The following ZNF195 variants were observed in gnomAD, a reference collection of about 807,000 sequenced individuals.
ZNF195 encodes the protein zinc finger protein 195.
ZNF195 carries 11 observed loss-of-function variants against 19.5 expected under a neutral mutation model. That is an observed-to-expected ratio of 0.57 (90% CI 0.36 to 0.94). ZNF195 has a LOEUF of 0.94. ZNF195 is among the 40% of genes least tolerant of loss of function. The probability of loss-of-function intolerance (pLI) is 0.01; values close to 1 mark genes in which losing one functional copy is unlikely to be tolerated. For missense variants in ZNF195, 582 were observed against 709.0 expected (o/e 0.82, Z 2.03); for synonymous variants, 214 against 248.1 (o/e 0.86, Z 1.29).
chr11:3,358,869 A>G lies in ZNF195; in HGVS notation c.*249T>C. ...GAACAAATGTTATTCCACATTTATG[A>G]GATTTGTTGGGTTTCTCTACAAATT... On this transcript the variant is annotated 3_prime_UTR_variant, in exon 6 of 6. Coordinates refer to ENST00000399602, the MANE Select transcript of ZNF195 (RefSeq NM_001130520.3). 3.7e-6 allele frequency: 1 copy of G among 270,984 alleles called. No individual in the cohort carries two copies. The highest frequency in any genetic ancestry group is 6.0e-6 in the Non-Finnish European group (1 of 165,696). The allele number at this position is 270,984 out of a possible 1,614,324, so 16.8% of individuals were successfully genotyped here. A position where few individuals can be genotyped will look rare whatever the true frequency, so the allele number is the denominator to read the frequency against.
In ZNF195 at chr11:3,371,638, G is replaced by A. The variant is rs370038920; in HGVS notation, c.69C>T (p.Leu23=). 9 of 1,614,028 alleles carry A rather than the reference G, an allele frequency of 5.6e-6. No homozygotes were observed. The highest frequency in any genetic ancestry group is 2.2e-5 in the East Asian group (1 of 44,878). The part of the protein sequence containing the change: ...FSLEEWKCLD[L]AQQNLYRDVM... The stretch of plus-strand genomic sequence containing the variant: ...CATCCCTGTACAAATTCTGCTGAGC[G>A]AGGTCCAGGCATTTCCACTCCTCCA... The change falls in exon 2 of 6, where the codon CTC becomes CTT. Residue 23 remains leucine (L), a synonymous_variant. Coordinates refer to ENST00000399602, the MANE Select transcript of ZNF195 (RefSeq NM_001130520.3).
In ZNF195 at chr11:3,360,272, A is replaced by G; in HGVS notation, c.736T>C (p.Cys246Arg). Residue 246 changes from cysteine (C) to arginine (R), a missense_variant, in exon 6 of 6, where the codon TGT becomes CGT. By Grantham distance (180) the Cys-to-Arg change is radical. Around this residue, in one of 3 missense-constraint regions of ZNF195, gnomAD observed 407 missense variants for 530.5 expected, o/e 0.77. Coordinates refer to ENST00000399602, the MANE Select transcript of ZNF195 (RefSeq NM_001130520.3). Reference sequence around the variant, plus strand: ...TGAAAGGATTTGCCACATTCTTGACATTTGAAAGGTTTCTCTCCAGTATTA... The same window carrying G: ...TGAAAGGATTTGCCACATTCTTGACGTTTGAAAGGTTTCTCTCCAGTATTA... ...ISNTGEKPFK[C>R]QECGKSFQML... 6.2e-7 allele frequency: 1 copy of G among 1,613,304 alleles called. No individual in the cohort carries two copies. The highest frequency in any genetic ancestry group is 8.5e-7 in the Non-Finnish European group (1 of 1,179,326).
Position 3,358,603 on chromosome 11 carries a change from T to C in ZNF195, c.*515A>G, listed in dbSNP as rs926088676. ...ACATCAATATTCGCTTTTCAAAAAT[T>C]TAACATTTTTTCAATGCAAAAAAGT... is the stretch of plus-strand genomic sequence containing the variant. On this transcript the variant is annotated 3_prime_UTR_variant, in exon 6 of 6. Coordinates refer to ENST00000399602, the MANE Select transcript of ZNF195 (RefSeq NM_001130520.3). 7 of 152,230 alleles carry C rather than the reference T, an allele frequency of 4.6e-5. No homozygotes were observed. Among genetic ancestry groups the C allele is most frequent in the African/African-American group, 1.7e-4 (7 of 41,456 alleles). The allele number at this position is 152,230 out of a possible 1,614,324, so 9.4% of individuals were successfully genotyped here.
chr11:3,361,094 C>G (rs1247150166), intron 4 of ZNF195, among the ~76,000 whole-genome samples: 1 of 152,128 alleles, frequency 6.6e-6, no homozygotes, highest in Non-Finnish European at 1.5e-5. Context: ...AGCAGCAGCA[C>G]CAGGCGACAA....
chr11:3,368,031 G>A (rs914757322), intron 3 of ZNF195, among the ~76,000 whole-genome samples: 3 of 151,930 alleles, frequency 2.0e-5, no homozygotes, highest in East Asian at 1.9e-4. Flanking sequence ...TGCCGAGATC[G>A]CGCCATTGCA....
chr11:3,366,863 G>T (rs1200150101), intron 3 of ZNF195: 1 of 441,020 alleles, frequency 2.3e-6, no homozygotes, highest in Admixed American at 2.4e-5. Flanking sequence ...CCAGGAGTCC[G>T]AGACCAGCCT....
Position 3,358,626 on chromosome 11 carries a change from A to T in ZNF195, c.*492T>A, listed in dbSNP as rs1241019401. The stretch of plus-strand genomic sequence containing the variant: ...ATTTAACATTTTTTCAATGCAAAAA[A>T]GTATATTTTGAATGTAATTATAACT... On this transcript the variant is annotated 3_prime_UTR_variant, in exon 6 of 6. Transcript: ENST00000399602. 6.6e-6 allele frequency: 1 copy of T among 152,288 alleles called. No homozygotes were observed. The highest frequency in any genetic ancestry group is 1.9e-4 in the East Asian group (1 of 5,204). 9.4% of individuals were successfully genotyped at this position (152,288 alleles called of 1,614,324 possible). A position where few individuals can be genotyped will look rare whatever the true frequency, so the allele number is the denominator to read the frequency against.
At chr11:3,373,562 C>G (rs1490749498) in intron 1 of ZNF195, 2 of 1,545,410 alleles carry the variant, frequency 1.3e-6, no homozygotes, top group Admixed American at 3.9e-5. Context: ...AACCCCTGAC[C>G]TGAGATGCAT....
chr11:3,362,296 A>G (rs2134694248), intron 3 of ZNF195, among the ~76,000 whole-genome samples: 1 of 152,346 alleles, frequency 6.6e-6, no homozygotes, highest in East Asian at 1.9e-4. Context: ...TCATATCAAA[A>G]TAAATATATG....
chr11:3,360,621 T>C, intron 5 of ZNF195, 56 bp from the exon 6 acceptor site: 6 of 1,553,960 alleles, frequency 3.9e-6, no homozygotes, highest in Non-Finnish European at 5.2e-6. Flanking sequence ...ATACACTTTA[T>C]GAATCTAATC....
At position 3,360,572 on chromosome 11, in the gene ZNF195, A is replaced by G; in HGVS notation, c.443-7T>C. On this transcript the variant is annotated splice_region_variant and splice_polypyrimidine_tract_variant and intron_variant, in intron 5 of 5. Transcript: ENST00000399602. Reference sequence around the variant, plus strand: ...GTAAAATGAGAAGACATAGCTGAAAAAAAAAAAAAAAGTTATCCGACTTAC... The same window carrying G: ...GTAAAATGAGAAGACATAGCTGAAAGAAAAAAAAAAAGTTATCCGACTTAC... The G allele has an allele frequency of 6.5e-7, 1 of 1,541,894 alleles. No homozygotes were observed. The highest frequency in any genetic ancestry group is 1.2e-5 in the South Asian group (1 of 80,560).
At chr11:3,369,341 A>G (rs1849065543) in intron 3 of ZNF195, 2 of 237,818 alleles carry the variant, frequency 8.4e-6, no homozygotes. Flanking sequence ...TAAAAGTTAG[A>G]AAAAGATAAA....
intron 1 of ZNF195, among the ~76,000 whole-genome samples, chr11:3,378,320 A>G (rs1469608674): frequency 6.6e-6 from 1 of 152,078 alleles, no homozygotes; most frequent in Non-Finnish European, 1.5e-5. Context: ...AAAAATAATA[A>G]TAATTAAATA....
At chr11:3,377,617 C>T in intron 1 of ZNF195, 2 of 1,221,874 alleles carry the variant, frequency 1.6e-6, no homozygotes, top group South Asian at 1.5e-5. Context: ...AAGTGGTTAC[C>T]TCTTTAGAGG....
chr11:3,372,949 G>C (rs964043223), intron 1 of ZNF195, among the ~76,000 whole-genome samples: 3 of 152,324 alleles, frequency 2.0e-5, no homozygotes, highest in South Asian at 2.1e-4. Flanking sequence ...GGTCAGGCTG[G>C]TCTCGAACTC....
intron 1 of ZNF195, among the ~76,000 whole-genome samples, chr11:3,374,852 C>T (rs1380966551): frequency 6.6e-6 from 1 of 152,196 alleles, no homozygotes; most frequent in African/African-American, 2.4e-5. Flanking sequence ...TGTGAAGCAA[C>T]TATTAGACCC....
rs369593798 is a variant in ZNF195, at chr11:3,378,699, C to G, written c.3+339G>C. ...AAACTCTTTCACATTTTTGCAAGGA[C>G]TCCCTCGAGAGAAAGGAGGGACTGG... On this transcript the variant is annotated intron_variant, in intron 1 of 5. Coordinates refer to ENST00000399602, the MANE Select transcript of ZNF195 (RefSeq NM_001130520.3). 6.6e-5 allele frequency among the ~76,000 whole-genome samples: 10 copies of G among 152,368 alleles called. No individual in the cohort carries two copies. In the East Asian group the frequency reaches 7.7e-4, roughly 12 times the overall value.
chr11:3,375,034 AT>A (rs1267833313), intron 1 of ZNF195, among the ~76,000 whole-genome samples: 1 of 152,266 alleles, frequency 6.6e-6, no homozygotes, highest in African/African-American at 2.4e-5. Flanking sequence ...TCAAACTCTG[AT>A]TTAACTCTGT....
chr11:3,368,777 G>A (rs931134868), intron 3 of ZNF195: 17 of 453,188 alleles, frequency 3.8e-5, no homozygotes, highest in Admixed American at 2.1e-4. Context: ...TTAAACTCAT[G>A]CATATCCACT....
Sources: gnomAD v4.1 joint callset for allele counts (sites outside exome capture counted in the v4.1 genomes callset) on GRCh38, gnomAD v4.1.1 for gene constraint, gnomAD v4.1.1 regional missense constraint, MANE v1.5 for transcripts, NCBI Gene and HGNC (gene_info 2026-07-23, HGNC 2026-07-21) for gene names.